The following DNAJC18 variants were observed in gnomAD, a reference collection of about 807,000 sequenced individuals.
DNAJC18 encodes dnaJ homolog subfamily C member 18.
In DNAJC18, 40 loss-of-function variants were observed where a neutral mutation model predicts 48.6. That is an observed-to-expected ratio of 0.82 (90% CI 0.64 to 1.07). The LOEUF is 1.07. Ranked by LOEUF, DNAJC18 falls within the 50% of genes least tolerant of loss-of-function variation. DNAJC18 has a pLI of 0.00. For synonymous variants in DNAJC18, 135 were observed against 152.2 expected (o/e 0.89, Z 0.83); for missense variants, 340 against 427.7 (o/e 0.79, Z 1.81).
In DNAJC18 at chr5:139,412,753, G is replaced by A; in HGVS notation, c.*1395C>T. On this transcript the variant is annotated 3_prime_UTR_variant, in exon 8 of 8. Transcript: ENST00000302060. The stretch of plus-strand genomic sequence containing the variant: ...CCAGTGGAGGGCTGCCTGCCTGTGA[G>A]GGACCTCTTATTTTGTGTACAGAAT... 2.5e-6 allele frequency: 1 copy of A among 398,636 alleles called. No individual in the cohort carries two copies. The allele number at this position is 398,636 out of a possible 1,614,324, so 24.7% of individuals were successfully genotyped here. A position where few individuals can be genotyped will look rare whatever the true frequency, so the allele number is the denominator to read the frequency against.
intron 5 of DNAJC18, among the ~76,000 whole-genome samples, chr5:139,423,390 CTTTTTTT>C (rs34518006): frequency 4.6e-4 from 64 of 139,920 alleles, no homozygotes; most frequent in African/African-American, 1.5e-3. Flanking sequence ...TTTGGATTTC[CTTTTTTT>C]TTTTTTTTCT....
At chr5:139,429,693 G>A (rs1759299878) in intron 2 of DNAJC18, among the ~76,000 whole-genome samples, 1 of 152,200 alleles carries the variant, frequency 6.6e-6, no homozygotes, top group South Asian at 2.1e-4. Context: ...GGGAGGCTGA[G>A]GCAGGAGGAC....
chr5:139,431,815 A>G (rs1395995787), intron 2 of DNAJC18, among the ~76,000 whole-genome samples: 15 of 152,250 alleles, frequency 9.9e-5, no homozygotes, highest in Admixed American at 9.8e-4. Context: ...CCAGCAATGT[A>G]CAAAGGTTCC....
intron 6 of DNAJC18, 160 bp from the exon 7 acceptor site, chr5:139,420,385 T>C: frequency 6.0e-6 from 4 of 667,400 alleles, no homozygotes; most frequent in Non-Finnish European, 9.5e-6. Flanking sequence ...AGCAAAGTTG[T>C]AAGTATAACA....
In DNAJC18 at chr5:139,412,417, C is replaced by A; in HGVS notation, c.*1731G>T. On this transcript the variant is annotated 3_prime_UTR_variant, in exon 8 of 8. Coordinates refer to ENST00000302060, the MANE Select transcript of DNAJC18 (RefSeq NM_152686.4). The stretch of plus-strand genomic sequence containing the variant: ...CTGGGACTACAGGCATGTGCCACCA[C>A]ACCTGGCTAATTTTTGTATTATTAG... 1 of 252,842 alleles carries A rather than the reference C, an allele frequency of 4.0e-6. No individual in the cohort carries two copies. Among genetic ancestry groups the A allele is most frequent in the Admixed American group, 5.5e-5 (1 of 18,218 alleles). 15.7% of individuals were successfully genotyped at this position (252,842 alleles called of 1,614,324 possible). A position where few individuals can be genotyped will look rare whatever the true frequency, so the allele number is the denominator to read the frequency against.
At chr5:139,423,502 G>A (rs941527038) in intron 5 of DNAJC18, among the ~76,000 whole-genome samples, 3 of 150,780 alleles carry the variant, frequency 2.0e-5, no homozygotes, top group South Asian at 4.2e-4. Flanking sequence ...TGATTCTCTC[G>A]CCTCAGCCTC....
intron 6 of DNAJC18, among the ~76,000 whole-genome samples, chr5:139,422,408 GATA>G (rs1391852207): frequency 6.6e-6 from 1 of 152,154 alleles, no homozygotes; most frequent in Non-Finnish European, 1.5e-5. Flanking sequence ...ACCATGGTGT[GATA>G]ATGAGTTCAT....
At chr5:139,424,717 C>CAAAAAAAAAAAAAAAAAA in intron 5 of DNAJC18, among the ~76,000 whole-genome samples, 1 of 23,100 alleles carries the variant, frequency 4.3e-5, no homozygotes, top group South Asian at 1.8e-3. Context: ...GACCCTCTCT[C>CAAAAAAAAAAAAAAAAAA]AAAAAAAAAA....
At chr5:139,417,532 G>GA (rs1759088101) in intron 7 of DNAJC18, among the ~76,000 whole-genome samples, 1 of 151,608 alleles carries the variant, frequency 6.6e-6, no homozygotes, top group South Asian at 2.1e-4. Context: ...CTGCCATTTG[G>GA]AACTTGTGGG....
rs1758983956 is a variant in DNAJC18, at chr5:139,410,853, C to T, written c.*3295G>A. On this transcript the variant is annotated 3_prime_UTR_variant, in exon 8 of 8. Transcript: ENST00000302060. ...ATGTGATCTCAGCTTACTGCAACCTCTGCCTCCCAGGCTCAAGAGATTCTT... is the reference window on the plus strand; with the variant it reads ...ATGTGATCTCAGCTTACTGCAACCTTTGCCTCCCAGGCTCAAGAGATTCTT... 1 of 152,000 alleles carries T rather than the reference C, an allele frequency of 6.6e-6. No individual in the cohort carries two copies. The highest frequency in any genetic ancestry group is 1.5e-5 in the Non-Finnish European group (1 of 68,050). 9.4% of individuals were successfully genotyped at this position (152,000 alleles called of 1,614,324 possible).
chr5:139,439,256 T>A lies in DNAJC18; in HGVS notation c.40+150A>T, dbSNP rs935116421. ...GTCGGTCCCCAGCTTCCCTACCCCATCCGCAACCCTACTCAGGCTCAGCAT... is the reference window on the plus strand; with the variant it reads ...GTCGGTCCCCAGCTTCCCTACCCCAACCGCAACCCTACTCAGGCTCAGCAT... On this transcript the variant is annotated intron_variant, in intron 1 of 7. Coordinates refer to ENST00000302060, the MANE Select transcript of DNAJC18 (RefSeq NM_152686.4). This position sits in a 1 kb window ranked among gnomAD's most constrained non-coding sequence, Gnocchi z 4.1. 2 of 1,320,900 alleles carry A rather than the reference T, an allele frequency of 1.5e-6. No individual in the cohort carries two copies. Among genetic ancestry groups the A allele is most frequent in the African/African-American group, 2.9e-5 (2 of 68,432 alleles). 81.8% of individuals were successfully genotyped at this position (1,320,900 alleles called of 1,614,324 possible).
intron 1 of DNAJC18, among the ~76,000 whole-genome samples, chr5:139,438,311 G>A (rs1293940739): frequency 3.5e-5 from 5 of 142,324 alleles, no homozygotes; most frequent in Admixed American, 7.1e-5. Flanking sequence ...GCGAGACTCC[G>A]TCTCAAAAAA....
chr5:139,430,841 G>A (rs1327101537), intron 2 of DNAJC18, among the ~76,000 whole-genome samples: 1 of 151,982 alleles, frequency 6.6e-6, no homozygotes, highest in Non-Finnish European at 1.5e-5. Context: ...AAAGTGCTGG[G>A]ATTACAGGCA....
chr5:139,431,109 T>G (rs1162597777), intron 2 of DNAJC18, among the ~76,000 whole-genome samples: 2 of 151,650 alleles, frequency 1.3e-5, no homozygotes, highest in Non-Finnish European at 2.9e-5. Flanking sequence ...CCATGGGGAG[T>G]CTTTGAATCC....
At chr5:139,430,595 T>TC (rs1759315518) in intron 2 of DNAJC18, among the ~76,000 whole-genome samples, 1 of 151,960 alleles carries the variant, frequency 6.6e-6, no homozygotes. Flanking sequence ...TCTTTTTTTT[T>TC]TTTTTGAGAC....
intron 3 of DNAJC18, among the ~76,000 whole-genome samples, chr5:139,427,026 G>A (rs1759256107): frequency 6.6e-6 from 1 of 152,122 alleles, no homozygotes; most frequent in South Asian, 2.1e-4. Flanking sequence ...CCAAAAAAGT[G>A]TTCTTATTTC....
rs1217255107 is a variant in DNAJC18, at chr5:139,413,896, G to A, written c.*252C>T. On this transcript the variant is annotated 3_prime_UTR_variant, in exon 8 of 8. Coordinates refer to ENST00000302060, the MANE Select transcript of DNAJC18 (RefSeq NM_152686.4). ...AGGCAGGGTAGGCATGGAGCAGGGA[G>A]ACGGAATCCAATGCCTTGCCATTAA... 1 of 461,712 alleles carries A rather than the reference G, an allele frequency of 2.2e-6. No individual in the cohort carries two copies. The highest frequency in any genetic ancestry group is 2.0e-5 in the African/African-American group (1 of 49,688). The allele number at this position is 461,712 out of a possible 1,614,324, so 28.6% of individuals were successfully genotyped here.
At chr5:139,425,363 C>G (rs1759220027) in intron 4 of DNAJC18, among the ~76,000 whole-genome samples, 1 of 152,156 alleles carries the variant, frequency 6.6e-6, no homozygotes, top group Non-Finnish European at 1.5e-5. Context: ...GGGGTTTCAC[C>G]ATGTTGGCCA....
At chr5:139,418,908 A>T (rs1759108487) in intron 7 of DNAJC18, 1 of 454,888 alleles carries the variant, frequency 2.2e-6, no homozygotes, top group Non-Finnish European at 4.4e-6. Context: ...ACTGACATAT[A>T]TCCCTGGAAC....
Sources: allele counts gnomAD v4.1 joint callset (sites outside exome capture counted in the v4.1 genomes callset), GRCh38; gene constraint gnomAD v4.1.1; non-coding constraint Gnocchi (gnomAD v3.1); transcripts MANE v1.5; gene names NCBI Gene and HGNC (gene_info 2026-07-23, HGNC 2026-07-21).